FGF14: variants seen among roughly 807,000 people sequenced by gnomAD.
FGF14 encodes the protein fibroblast growth factor homologous factor 4.
Under a neutral mutation model 25.5 loss-of-function variants are expected in FGF14, and 5 were observed. That is an observed-to-expected ratio of 0.20 (90% CI 0.10 to 0.41). The LOEUF (loss-of-function observed/expected upper bound fraction) is 0.41, where lower values mean the gene tolerates loss of function less well. Ranked by LOEUF, FGF14 falls within the 10% of genes least tolerant of loss-of-function variation. The pLI is 1.00. For synonymous variants in FGF14, 138 were observed against 118.3 expected, an observed-to-expected ratio of 1.17 and a Z score of -1.08; for missense variants, 222 against 320.1, an observed-to-expected ratio of 0.69 and a Z score of 2.34.
At chr13:101,855,266 A>T (rs2044065734) in intron 3 of FGF14, among the ~76,000 whole-genome samples, 1 of 152,012 alleles carries the variant, frequency 6.6e-6, no homozygotes, top group Admixed American at 6.6e-5. Flanking sequence ...ATGTGTCTTC[A>T]TCTTCAACTT....
rs545963343 is a variant in FGF14, at chr13:101,752,934, C to T, written c.409-26124G>A. Among the ~76,000 whole-genome samples the T allele has an allele frequency of 3.3e-5, 5 of 152,166 alleles. No homozygotes were observed. The East Asian group carries it at 5.8e-4, about 18-fold the overall frequency. On this transcript the variant is annotated intron_variant, in intron 3 of 4. Transcript: ENST00000376143. ...ATGTTCAGAACCAGGGGCACATAAC[C>T]ACACCTAGACTAATCACTGGATAAG...
At chr13:102,200,175 A>G (rs1181861186) in intron 1 of FGF14, among the ~76,000 whole-genome samples, 7 of 152,198 alleles carry the variant, frequency 4.6e-5, no homozygotes, top group African/African-American at 1.7e-4. Flanking sequence ...ATATATGTAT[A>G]TATTTATATG....
intron 1 of FGF14, among the ~76,000 whole-genome samples, chr13:102,180,552 A>G (rs963381269): frequency 6.6e-6 from 1 of 152,084 alleles, no homozygotes; most frequent in Admixed American, 6.6e-5. Flanking sequence ...ACCTCCAGTG[A>G]TCCTCCTGCT....
At chr13:102,199,357 T>C (rs2049508751) in intron 1 of FGF14, among the ~76,000 whole-genome samples, 1 of 152,224 alleles carries the variant, frequency 6.6e-6, no homozygotes, top group Admixed American at 6.5e-5. Context: ...GATAACTAGC[T>C]AACATTTAAT....
intron 1 of FGF14, among the ~76,000 whole-genome samples, chr13:101,937,330 A>C (rs1479779827): frequency 6.6e-6 from 1 of 152,150 alleles, no homozygotes; most frequent in East Asian, 1.9e-4. Flanking sequence ...ATGTGACTGC[A>C]TTTGGAGACA....
At chr13:101,840,207 AT>A (rs2043132672) in intron 3 of FGF14, among the ~76,000 whole-genome samples, 1 of 151,982 alleles carries the variant, frequency 6.6e-6, no homozygotes, top group Admixed American at 6.6e-5. Context: ...AGGATTCTAA[AT>A]TTGTTTTAAA....
chr13:101,732,658 CAAATAAGAT>C (rs1485956493), intron 3 of FGF14, among the ~76,000 whole-genome samples: 1 of 147,214 alleles, frequency 6.8e-6, no homozygotes, highest in Non-Finnish European at 1.5e-5. Flanking sequence ...TTTCAAATAT[CAAATAAGAT>C]AAGAGAGGTG....
intron 1 of FGF14, among the ~76,000 whole-genome samples, chr13:102,155,306 A>G (rs537877805): frequency 6.6e-6 from 1 of 152,370 alleles, no homozygotes; most frequent in African/African-American, 2.4e-5. Context: ...AAATTATAAC[A>G]AACTGTCTCT....
Position 102,286,424 on chromosome 13 carries a change from A to C in FGF14, c.208+115047T>G, listed in dbSNP as rs559136974. Among the ~76,000 whole-genome samples the C allele has an allele frequency of 6.4e-4, 98 of 152,230 alleles. No homozygotes were observed. In the South Asian group the frequency reaches 8.5e-3, roughly 13 times the overall value. ...ACAGCATTTGTCATCTGTACTTTAC[A>C]CTCAGTCACATATTTCATTGAAATG... On this transcript the variant is annotated intron_variant, in intron 1 of 4. Coordinates refer to the FGF14 transcript ENST00000376131.
intron 1 of FGF14, among the ~76,000 whole-genome samples, chr13:102,221,853 T>C (rs1254795817): frequency 1.3e-5 from 2 of 152,216 alleles, no homozygotes; most frequent in South Asian, 4.1e-4. Context: ...AATTCTTGTC[T>C]TTTGTATTTA....
At chr13:101,879,412 A>G (rs78542419) in intron 1 of FGF14, among the ~76,000 whole-genome samples, 5,820 of 152,248 alleles carry the variant, frequency 0.038, 406 homozygotes, top group African/African-American at 0.13. Flanking sequence ...AAGAAATGCA[A>G]ATCAGTCCGA....
At chr13:102,280,060 A>C (rs1379045450) in intron 1 of FGF14, among the ~76,000 whole-genome samples, 1 of 152,254 alleles carries the variant, frequency 6.6e-6, no homozygotes, top group Non-Finnish European at 1.5e-5. Flanking sequence ...AATAATTACA[A>C]ATATCATTTA....
intron 1 of FGF14, among the ~76,000 whole-genome samples, chr13:101,886,928 GT>G (rs2046018388): frequency 1.3e-5 from 2 of 152,008 alleles, no homozygotes; most frequent in Non-Finnish European, 2.9e-5. Flanking sequence ...ATAGCCAACA[GT>G]TATATTTTTA....
intron 3 of FGF14, among the ~76,000 whole-genome samples, chr13:101,833,974 C>T (rs1011512581): frequency 6.6e-6 from 1 of 152,040 alleles, no homozygotes; most frequent in African/African-American, 2.4e-5. Context: ...GATCATAATC[C>T]TAATTCATAT....
At chr13:101,959,009 C>T (rs965150197) in intron 1 of FGF14, among the ~76,000 whole-genome samples, 1 of 152,156 alleles carries the variant, frequency 6.6e-6, no homozygotes, top group Non-Finnish European at 1.5e-5. Context: ...ACCTCCCCAC[C>T]CCTTAGACCA....
chr13:102,286,559 T>C (rs2054109880), intron 1 of FGF14, among the ~76,000 whole-genome samples: 1 of 152,234 alleles, frequency 6.6e-6, no homozygotes, highest in Admixed American at 6.5e-5. Context: ...GTGCTCATCA[T>C]GGTGTTTGCT....
At chr13:102,310,651 T>TCTCTC (rs2055683920) in intron 1 of FGF14, among the ~76,000 whole-genome samples, 1 of 45,782 alleles carries the variant, frequency 2.2e-5, no homozygotes, top group African/African-American at 9.9e-5. Flanking sequence ...CTCTTCCCGT[T>TCTCTC]TCTCTCTCTC....
chr13:101,984,065 A>G (rs1293677284), intron 1 of FGF14, among the ~76,000 whole-genome samples: 4 of 152,164 alleles, frequency 2.6e-5, no homozygotes, highest in African/African-American at 9.7e-5. Context: ...CAGCCTTCCC[A>G]TTCATATAAC....
At chr13:101,800,410 A>C (rs1167346513) in intron 3 of FGF14, among the ~76,000 whole-genome samples, 1 of 152,322 alleles carries the variant, frequency 6.6e-6, no homozygotes, top group East Asian at 1.9e-4. Context: ...GATAATATTC[A>C]TATAAAATAA....
Sources: gnomAD v4.1 joint callset for allele counts (sites outside exome capture counted in the v4.1 genomes callset) on GRCh38, gnomAD v4.1.1 for gene constraint, MANE v1.5 for transcripts, NCBI Gene and HGNC (gene_info 2026-07-23, HGNC 2026-07-21) for gene names.